ZFP64: variants seen among roughly 807,000 people sequenced by gnomAD.
ZFP64 encodes ZFP64 zinc finger protein, also known as zinc finger protein 64.
ZFP64 carries 14 observed loss-of-function variants against 51.6 expected under a neutral mutation model. That is an observed-to-expected ratio of 0.27 (90% CI 0.18 to 0.42). The LOEUF (loss-of-function observed/expected upper bound fraction) is 0.42, where lower values mean the gene tolerates loss of function less well. Ranked by LOEUF, ZFP64 falls within the 10% of genes least tolerant of loss-of-function variation. The pLI, the probability that ZFP64 is intolerant of heterozygous loss-of-function variation, is 1.00. For synonymous variants in ZFP64, 375 were observed against 361.4 expected, an observed-to-expected ratio of 1.04 and a Z score of -0.43; for missense variants, 754 against 906.8, an observed-to-expected ratio of 0.83 and a Z score of 2.16.
intron 7 of ZFP64, among the ~76,000 whole-genome samples, chr20:52,095,782 C>A (rs898003347): frequency 6.6e-6 from 1 of 152,168 alleles, no homozygotes; most frequent in African/African-American, 2.4e-5. Flanking sequence ...GTGGATGTTC[C>A]AGGCCTTTCA....
At chr20:52,180,892 T>C (rs61495988) in intron 2 of ZFP64, among the ~76,000 whole-genome samples, 2 of 152,146 alleles carry the variant, frequency 1.3e-5, no homozygotes, top group African/African-American at 4.8e-5. Context: ...GACCCCAGAC[T>C]CTTCATTACC....
intron 5 of ZFP64, among the ~76,000 whole-genome samples, chr20:52,132,507 G>A (rs531639904): frequency 4.7e-4 from 71 of 151,916 alleles, no homozygotes; most frequent in African/African-American, 1.3e-3. Context: ...AAATAAAATC[G>A]GAAATGAAAA....
chr20:52,155,620 AG>A (rs761406734), intron 5 of ZFP64, among the ~76,000 whole-genome samples: 3 of 152,182 alleles, frequency 2.0e-5, no homozygotes, highest in Non-Finnish European at 2.9e-5. Context: ...TTGGCATGAA[AG>A]CAAAGGTTTT....
intron 7 of ZFP64, among the ~76,000 whole-genome samples, chr20:52,090,220 AC>A (rs2078908459): frequency 6.6e-6 from 1 of 152,190 alleles, no homozygotes; most frequent in Admixed American, 6.5e-5. Context: ...AAAGAAAACC[AC>A]CAGCAAAATG....
intron 1 of ZFP64, among the ~76,000 whole-genome samples, chr20:52,187,761 C>T (rs762103411): frequency 1.3e-5 from 2 of 151,980 alleles, no homozygotes; most frequent in East Asian, 1.9e-4. Flanking sequence ...TGATGGTTCA[C>T]GCTGCATTGT....
intron 2 of ZFP64, among the ~76,000 whole-genome samples, chr20:52,176,225 G>A (rs1407612830): frequency 6.6e-6 from 1 of 152,148 alleles, no homozygotes; most frequent in Admixed American, 6.5e-5. Context: ...GCGACGTAGT[G>A]AGACCTTCCC....
At chr20:52,147,551 C>G (rs376197660), downstream of ZFP64, among the ~76,000 whole-genome samples, 1 of 152,100 alleles carries the variant, frequency 6.6e-6, no homozygotes, top group African/African-American at 2.4e-5. Context: ...AAGACTATAT[C>G]AGATAATTAT....
chr20:52,169,712 G>C (rs910338312), intron 2 of ZFP64, among the ~76,000 whole-genome samples: 2 of 152,172 alleles, frequency 1.3e-5, no homozygotes, highest in Non-Finnish European at 2.9e-5. Flanking sequence ...TCCATAGGCT[G>C]TATTTTCATT....
chr20:52,111,280 G>A (rs1174041300), intron 5 of ZFP64, among the ~76,000 whole-genome samples: 4 of 148,272 alleles, frequency 2.7e-5, no homozygotes, highest in East Asian at 4.0e-4. Context: ...GCAATGGCGC[G>A]ATCTCGGCTC....
At chr20:52,178,793 C>G (rs140267345) in intron 2 of ZFP64, among the ~76,000 whole-genome samples, 2 of 152,254 alleles carry the variant, frequency 1.3e-5, no homozygotes, top group South Asian at 2.1e-4. Flanking sequence ...AGTTCTCCCC[C>G]CTGACTTTCC....
At chr20:52,087,728 A>G (rs2078879357) in intron 8 of ZFP64, among the ~76,000 whole-genome samples, 1 of 152,186 alleles carries the variant, frequency 6.6e-6, no homozygotes, top group Non-Finnish European at 1.5e-5. Flanking sequence ...GGCTGTCTAC[A>G]TGCTTGTTCC....
At chr20:52,163,740 AC>A (rs1036274012) in intron 4 of ZFP64, among the ~76,000 whole-genome samples, 14 of 152,204 alleles carry the variant, frequency 9.2e-5, no homozygotes, top group African/African-American at 3.4e-4. Flanking sequence ...ACACATTTAT[AC>A]TTTTAAAATT....
At chr20:52,090,829 C>T (rs1481820205) in intron 7 of ZFP64, among the ~76,000 whole-genome samples, 1 of 125,290 alleles carries the variant, frequency 8.0e-6, no homozygotes, top group Non-Finnish European at 1.6e-5. Context: ...TGGTTGGGCA[C>T]AATGGCTCAC....
chr20:52,134,568 G>A (rs1387149170), intron 5 of ZFP64, among the ~76,000 whole-genome samples: 2 of 152,160 alleles, frequency 1.3e-5, no homozygotes, highest in Admixed American at 1.3e-4. Flanking sequence ...GTGGCATCAA[G>A]GTTCACAAAC....
Position 52,098,104 on chromosome 20 carries a change from C to T in ZFP64, c.913+334G>A, listed in dbSNP as rs78547603. Among the ~76,000 whole-genome samples, 61 of 136,074 alleles carry T rather than the reference C, an allele frequency of 4.5e-4. No homozygotes were observed. In the East Asian group the frequency reaches 0.011, roughly 24 times the overall value. 89.3% of individuals were successfully genotyped at this position (136,074 alleles called of 152,430 possible). Reference sequence around the variant, plus strand: ...AGGAGAATTGCTAGAACCTGAGAGGCGGAGGTTGCAGTGAGCCGAGATCAC... The same window carrying T: ...AGGAGAATTGCTAGAACCTGAGAGGTGGAGGTTGCAGTGAGCCGAGATCAC... On this transcript the variant is annotated intron_variant, in intron 6 of 8. Transcript: ENST00000361387.
In ZFP64 at chr20:52,102,107, C is replaced by CAAAAAAAAAAA. The variant is rs34646115; in HGVS notation, c.764-3531_764-3521dup. Among the ~76,000 whole-genome samples, 306 of 63,360 alleles carry CAAAAAAAAAAA rather than the reference C, an allele frequency of 4.8e-3. 13 individuals carry two copies. The highest frequency in any genetic ancestry group is 8.8e-3 in the African/African-American group (130 of 14,702). The allele number at this position is 63,360 out of a possible 152,430, so 41.6% of individuals were successfully genotyped here. ...AGCCTGGTGAGAGTAACTCCATCTC[C>CAAAAAAAAAAA]AAAAAAAAAAAAAAAAAAGGCAGCA... On this transcript the variant is annotated intron_variant, in intron 5 of 8. Transcript: ENST00000361387.
chr20:52,106,259 C>T (rs1026098373), intron 5 of ZFP64, among the ~76,000 whole-genome samples: 1 of 152,202 alleles, frequency 6.6e-6, no homozygotes, highest in Non-Finnish European at 1.5e-5. Context: ...GAGACCCCTC[C>T]TTGCGCCGCG....
chr20:52,128,496 G>A (rs1979552525), intron 5 of ZFP64, among the ~76,000 whole-genome samples: 1 of 152,098 alleles, frequency 6.6e-6, no homozygotes, highest in East Asian at 1.9e-4. Flanking sequence ...CATACAGCTG[G>A]GATGAGAACA....
intron 7 of ZFP64, chr20:52,088,871 G>C (rs2078891867): frequency 2.9e-6 from 2 of 692,340 alleles, no homozygotes; most frequent in Non-Finnish European, 4.9e-6. Flanking sequence ...CTGATTGATG[G>C]AGAAAATTAC....
Sources: gnomAD v4.1 joint callset for allele counts (sites outside exome capture counted in the v4.1 genomes callset) on GRCh38, gnomAD v4.1.1 for gene constraint, MANE v1.5 for transcripts, NCBI Gene and HGNC (gene_info 2026-07-23, HGNC 2026-07-21) for gene names.